The following KAZN variants were observed in gnomAD, a reference collection of about 807,000 sequenced individuals.
KAZN encodes kazrin.
KAZN carries 40 observed loss-of-function variants against 87.4 expected under a neutral mutation model. The observed-to-expected ratio is 0.46, with a 90% CI of 0.36 to 0.60. The LOEUF (loss-of-function observed/expected upper bound fraction) is 0.60. Among genes scored for constraint, KAZN ranks in the 20% least tolerant of loss-of-function variants. The pLI is 0.00. For synonymous variants in KAZN, 466 were observed against 458.3 expected, an observed-to-expected ratio of 1.02 and a Z score of -0.22; for missense variants, 898 against 1,073.9, an observed-to-expected ratio of 0.84 and a Z score of 2.29.
intron 2 of KAZN, among the ~76,000 whole-genome samples, chr1:14,342,063 A>G (rs770256993): frequency 7.9e-5 from 12 of 152,162 alleles, no homozygotes; most frequent in Admixed American, 3.9e-4. Flanking sequence ...GCTCCCACTT[A>G]TAAATGAGAA....
At chr1:13,934,523 C>G (rs1570321613) in intron 1 of KAZN, among the ~76,000 whole-genome samples, 1 of 152,140 alleles carries the variant, frequency 6.6e-6, no homozygotes, top group African/African-American at 2.4e-5. Flanking sequence ...TTCACTGATA[C>G]CCAAGAAGAG....
At chr1:14,686,889 C>T (rs1166912289) in intron 1 of KAZN, among the ~76,000 whole-genome samples, 1 of 152,252 alleles carries the variant, frequency 6.6e-6, no homozygotes, top group Non-Finnish European at 1.5e-5. Context: ...AAAGCCTTCA[C>T]TGATACAGAG....
chr1:14,328,086 C>A (rs1181452763), intron 2 of KAZN, among the ~76,000 whole-genome samples: 1 of 152,100 alleles, frequency 6.6e-6, no homozygotes, highest in Non-Finnish European at 1.5e-5. Context: ...CCACTATAGA[C>A]CAGGCGGAAA....
At chr1:14,253,224 T>C (rs1019648250) in intron 2 of KAZN, among the ~76,000 whole-genome samples, 1 of 152,018 alleles carries the variant, frequency 6.6e-6, no homozygotes, top group African/African-American at 2.4e-5. Flanking sequence ...GGTGAAGCAC[T>C]AAGCTTTTCT....
intron 1 of KAZN, among the ~76,000 whole-genome samples, chr1:14,037,468 G>T (rs2101373007): frequency 6.6e-6 from 1 of 152,148 alleles, no homozygotes; most frequent in East Asian, 1.9e-4. Context: ...CCTTTCTGTT[G>T]ATTCTGTCTT....
At chr1:14,389,013 C>G (rs965753098) in intron 2 of KAZN, among the ~76,000 whole-genome samples, 2 of 151,962 alleles carry the variant, frequency 1.3e-5, no homozygotes, top group African/African-American at 4.8e-5. Context: ...AAAAAAAAAT[C>G]TAATAATTTG....
rs568631882 is a variant in KAZN at position 14,036,242 on chromosome 1, C to T, written c.91+142486C>T. Among the ~76,000 whole-genome samples the T allele has an allele frequency of 3.9e-5, 6 of 152,268 alleles. No homozygotes were observed. In the East Asian group the frequency reaches 5.8e-4, roughly 15 times the overall value. On this transcript the variant is annotated intron_variant, in intron 1 of 16. Coordinates refer to the KAZN transcript ENST00000636203. ...CATGGCCCAAGACATGTGGGGACTT[C>T]AGCAGTTTTGGGTGGGAGGAAGGAG...
intron 1 of KAZN, among the ~76,000 whole-genome samples, chr1:14,099,253 T>TG (rs377254339): frequency 6.6e-5 from 10 of 152,116 alleles, no homozygotes; most frequent in African/African-American, 1.4e-4. Context: ...AGGGACAGGG[T>TG]GGGGGAAGAA....
chr1:14,354,681 CACACACAA>C (rs1169138097), intron 2 of KAZN, among the ~76,000 whole-genome samples: 1 of 149,718 alleles, frequency 6.7e-6, no homozygotes, highest in East Asian at 1.9e-4. Flanking sequence ...CACACACACA[CACACACAA>C]ACAAACCTGA....
chr1:14,065,360 AACAAG>A (rs1642967744), intron 1 of KAZN, among the ~76,000 whole-genome samples: 1 of 152,212 alleles, frequency 6.6e-6, no homozygotes, highest in Admixed American at 6.5e-5. Flanking sequence ...CACACATGAA[AACAAG>A]ACAAGAACAG....
intron 1 of KAZN, among the ~76,000 whole-genome samples, chr1:14,013,285 A>AT (rs985487053): frequency 2.6e-5 from 4 of 152,168 alleles, no homozygotes; most frequent in Admixed American, 6.5e-5. Flanking sequence ...AATATGCAGG[A>AT]TTTTTTCAAA....
chr1:15,046,986 C>T (rs1382038054), intron 4 of KAZN, among the ~76,000 whole-genome samples: 1 of 152,204 alleles, frequency 6.6e-6, no homozygotes, highest in Non-Finnish European at 1.5e-5. Flanking sequence ...GAAACCAGCT[C>T]ACCCTGGCTT....
At chr1:14,736,465 A>AT (rs756285598) in intron 1 of KAZN, among the ~76,000 whole-genome samples, 2,239 of 107,998 alleles carry the variant, frequency 0.021, 56 homozygotes, top group East Asian at 0.061. Context: ...CACCCAGCTA[A>AT]TTTTTTTTTT....
intron 1 of KAZN, among the ~76,000 whole-genome samples, chr1:14,673,358 G>A (rs140766460): frequency 2.6e-5 from 4 of 152,330 alleles, no homozygotes; most frequent in Admixed American, 6.5e-5. Flanking sequence ...CCCAGGTGGT[G>A]GTTTCAAAGT....
intron 2 of KAZN, among the ~76,000 whole-genome samples, chr1:15,009,366 G>A (rs192022095): frequency 2.0e-5 from 3 of 152,174 alleles, no homozygotes; most frequent in African/African-American, 4.8e-5. Context: ...TCAGGTAAGC[G>A]CCATCCCAGC....
At chr1:14,740,776 T>A (rs1434125643) in intron 1 of KAZN, among the ~76,000 whole-genome samples, 1 of 152,198 alleles carries the variant, frequency 6.6e-6, no homozygotes, top group Non-Finnish European at 1.5e-5. Context: ...TTGCCTGGAA[T>A]TCCTTTAGCC....
chr1:14,682,305 TA>T (rs67818845), intron 1 of KAZN, among the ~76,000 whole-genome samples: 15 of 150,888 alleles, frequency 9.9e-5, no homozygotes, highest in Non-Finnish European at 8.9e-5. Context: ...TTTTTTTTTT[TA>T]AGACAGGGTC....
chr1:15,007,388 A>G (rs1231007515), intron 2 of KAZN, among the ~76,000 whole-genome samples: 2 of 152,236 alleles, frequency 1.3e-5, no homozygotes, highest in Non-Finnish European at 2.9e-5. Flanking sequence ...ATGAGCTAGG[A>G]ATGTAATGTT....
At chr1:14,550,572 G>C (rs1673435486) in intron 2 of KAZN, among the ~76,000 whole-genome samples, 1 of 152,038 alleles carries the variant, frequency 6.6e-6, no homozygotes, top group Admixed American at 6.6e-5. Context: ...CCAACAGTGG[G>C]CACAATTTAC....
Sources: allele counts gnomAD v4.1 joint callset (sites outside exome capture counted in the v4.1 genomes callset), GRCh38; gene constraint gnomAD v4.1.1; transcripts MANE v1.5; gene names NCBI Gene and HGNC (gene_info 2026-07-23, HGNC 2026-07-21).